FHIT: variants seen among roughly 807,000 people sequenced by gnomAD.
The protein encoded by FHIT is bis(5'-adenosyl)-triphosphatase.
In FHIT, 19 loss-of-function variants were observed where a neutral mutation model predicts 17.9. That is an observed-to-expected ratio of 1.06 (90% CI 0.74 to 1.56). The LOEUF (loss-of-function observed/expected upper bound fraction) is 1.56. FHIT is among the 40% of genes most tolerant of loss of function. The probability of loss-of-function intolerance (pLI) is 0.00; values close to 1 mark genes in which losing one functional copy is unlikely to be tolerated. For missense variants in FHIT, 248 were observed against 189.2 expected, an observed-to-expected ratio of 1.31 and a Z score of -1.82; for synonymous variants, 81 against 69.7, an observed-to-expected ratio of 1.16 and a Z score of -0.81.
At chr3:60,449,288 A>G (rs1016978593) in intron 5 of FHIT, among the ~76,000 whole-genome samples, 1 of 152,176 alleles carries the variant, frequency 6.6e-6, no homozygotes, top group Non-Finnish European at 1.5e-5. Context: ...TTTGTGCCGA[A>G]AAGCTATGCA....
chr3:59,779,843 G>A (rs1229409226), intron 8 of FHIT, among the ~76,000 whole-genome samples: 2 of 152,164 alleles, frequency 1.3e-5, no homozygotes, highest in South Asian at 4.1e-4. Flanking sequence ...AAATACATGA[G>A]GGATAAACAA....
rs541024905 is a variant in FHIT, at chr3:59,776,086, A to C, written c.349-23765T>G. On this transcript the variant is annotated intron_variant, in intron 8 of 9. Transcript: ENST00000492590. ...CCTGCCCAGCTCCTTACATGTGTCCACAGGAGTTAAATGAGCCTGAAAACT... is the reference window on the plus strand; with the variant it reads ...CCTGCCCAGCTCCTTACATGTGTCCCCAGGAGTTAAATGAGCCTGAAAACT... Among the ~76,000 whole-genome samples, 5 of 152,356 alleles carry C rather than the reference A, an allele frequency of 3.3e-5. No individual in the cohort carries two copies. The South Asian group carries it at 1.0e-3, about 32-fold the overall frequency.
At chr3:60,642,193 C>T (rs2039742451) in intron 4 of FHIT, among the ~76,000 whole-genome samples, 2 of 152,136 alleles carry the variant, frequency 1.3e-5, no homozygotes, top group African/African-American at 4.8e-5. Flanking sequence ...GCCCAGGTGA[C>T]ACAGTCAACC....
intron 7 of FHIT, among the ~76,000 whole-genome samples, chr3:59,933,694 A>C (rs1478871094): frequency 1.3e-5 from 2 of 152,140 alleles, no homozygotes; most frequent in Non-Finnish European, 2.9e-5. Flanking sequence ...TGCAGGTATG[A>C]ACAGGCCAGT....
intron 7 of FHIT, among the ~76,000 whole-genome samples, chr3:59,990,746 G>A (rs564380349): frequency 1.3e-5 from 2 of 152,042 alleles, no homozygotes; most frequent in South Asian, 2.1e-4. Context: ...ACAATGAGAG[G>A]GTTTTTATTG....
intron 5 of FHIT, among the ~76,000 whole-genome samples, chr3:60,222,056 G>C (rs1703986164): frequency 6.6e-6 from 1 of 152,072 alleles, no homozygotes. Context: ...GGCAGTAAGT[G>C]CTCAAAAATT....
chr3:60,121,709 A>AACAAAACAAAC (rs1705261038), intron 5 of FHIT, among the ~76,000 whole-genome samples: 1 of 116,336 alleles, frequency 8.6e-6, no homozygotes, highest in African/African-American at 3.4e-5. Context: ...AAACAAAACA[A>AACAAAACAAAC]ACACACACAC....
intron 5 of FHIT, among the ~76,000 whole-genome samples, chr3:60,215,660 T>C (rs1327799179): frequency 6.6e-6 from 1 of 152,176 alleles, no homozygotes; most frequent in Non-Finnish European, 1.5e-5. Flanking sequence ...AATGAGTCTG[T>C]CTAATAAATG....
intron 3 of FHIT, among the ~76,000 whole-genome samples, chr3:61,011,729 T>G (rs1462599970): frequency 2.6e-5 from 4 of 152,124 alleles, no homozygotes; most frequent in African/African-American, 4.8e-5. Context: ...CTGCAAACAA[T>G]TGTCAAAGAA....
chr3:59,948,137 G>T (rs977553362), intron 7 of FHIT, among the ~76,000 whole-genome samples: 1 of 152,022 alleles, frequency 6.6e-6, no homozygotes, highest in Non-Finnish European at 1.5e-5. Flanking sequence ...TGTACACATA[G>T]GTTTCCCTTT....
chr3:60,389,233 G>A (rs998913119), intron 5 of FHIT, among the ~76,000 whole-genome samples: 1 of 152,122 alleles, frequency 6.6e-6, no homozygotes, highest in Middle Eastern at 3.2e-3. Context: ...TCTGGAGCAA[G>A]GGCCTACCTG....
intron 7 of FHIT, 119 bp from the exon 8 acceptor site, chr3:59,922,533 A>G (rs1705459321): frequency 1.2e-6 from 1 of 821,166 alleles, no homozygotes; most frequent in East Asian, 2.6e-5. Flanking sequence ...GTTATTTTTC[A>G]GAGGAAGTTG....
intron 5 of FHIT, among the ~76,000 whole-genome samples, chr3:60,171,693 T>G (rs900946080): frequency 1.2e-4 from 19 of 152,280 alleles, no homozygotes; most frequent in Middle Eastern, 3.4e-3. Context: ...ATGCATTCAT[T>G]TAGTCATTCA....
chr3:59,860,751 AC>A (rs1322025907), intron 8 of FHIT, among the ~76,000 whole-genome samples: 1 of 152,182 alleles, frequency 6.6e-6, no homozygotes, highest in African/African-American at 2.4e-5. Context: ...AAAAGGAGCC[AC>A]CAGAGAGTGT....
chr3:60,277,012 C>T (rs1420564272), intron 5 of FHIT, among the ~76,000 whole-genome samples: 4 of 151,920 alleles, frequency 2.6e-5, no homozygotes, highest in Admixed American at 6.6e-5. Context: ...AGATTTGGAG[C>T]GGACAAGCAT....
intron 5 of FHIT, among the ~76,000 whole-genome samples, chr3:60,406,249 G>C (rs1426605658): frequency 6.6e-6 from 1 of 152,148 alleles, no homozygotes; most frequent in Admixed American, 6.5e-5. Flanking sequence ...GTGTTTATCA[G>C]GGCACAATAC....
chr3:59,773,452 G>A (rs1702162710), intron 8 of FHIT, among the ~76,000 whole-genome samples: 1 of 152,174 alleles, frequency 6.6e-6, no homozygotes, highest in Admixed American at 6.5e-5. Flanking sequence ...GTCCTCATGA[G>A]CTCAATGTTA....
intron 8 of FHIT, among the ~76,000 whole-genome samples, chr3:59,901,207 T>C (rs1704314138): frequency 6.6e-6 from 1 of 152,300 alleles, no homozygotes; most frequent in African/African-American, 2.4e-5. Flanking sequence ...CTGAGTGAAA[T>C]AGTGAAGAAT....
intron 7 of FHIT, among the ~76,000 whole-genome samples, chr3:59,979,422 T>C (rs957728833): frequency 2.6e-5 from 4 of 152,140 alleles, no homozygotes; most frequent in African/African-American, 7.2e-5. Context: ...AGATACTTAG[T>C]TGGGAATGTC....
Sources: allele counts gnomAD v4.1 joint callset (sites outside exome capture counted in the v4.1 genomes callset), GRCh38; gene constraint gnomAD v4.1.1; transcripts MANE v1.5; gene names NCBI Gene and HGNC (gene_info 2026-07-23, HGNC 2026-07-21).